SLC24A3: variants seen among roughly 807,000 people sequenced by gnomAD.
The protein encoded by SLC24A3 is solute carrier family 24 member 3.
In SLC24A3, 28 loss-of-function variants were observed where a neutral mutation model predicts 75.8. The ratio of observed to expected loss-of-function variants is 0.37; its 90% CI spans 0.27 to 0.51. The LOEUF (loss-of-function observed/expected upper bound fraction) is 0.51. Among genes scored for constraint, SLC24A3 ranks in the 20% least tolerant of loss-of-function variants. The pLI is 0.94. For missense variants in SLC24A3, 663 were observed against 847.8 expected (o/e 0.78, Z 2.71); for synonymous variants, 372 against 334.1 (o/e 1.11, Z -1.24).
At chr20:19,570,274 G>T (rs1367489643) in intron 3 of SLC24A3, among the ~76,000 whole-genome samples, 2 of 152,098 alleles carry the variant, frequency 1.3e-5, no homozygotes, top group Non-Finnish European at 2.9e-5. Flanking sequence ...AATAGCATCG[G>T]AGATGTCTGC....
At chr20:19,277,618 A>C (rs917816343) in intron 1 of SLC24A3, among the ~76,000 whole-genome samples, 1 of 152,222 alleles carries the variant, frequency 6.6e-6, no homozygotes, top group Admixed American at 6.5e-5. Context: ...TTATTACATC[A>C]GCCATCAGTG....
intron 2 of SLC24A3, among the ~76,000 whole-genome samples, chr20:19,300,521 C>T (rs1228995180): frequency 6.6e-6 from 1 of 152,196 alleles, no homozygotes; most frequent in East Asian, 1.9e-4. Context: ...GACGTAATGA[C>T]AAGAAAAGAA....
chr20:19,636,915 C>T (rs1414068041), intron 6 of SLC24A3, among the ~76,000 whole-genome samples: 1 of 152,172 alleles, frequency 6.6e-6, no homozygotes, highest in Non-Finnish European at 1.5e-5. Flanking sequence ...TCTCAGAGAG[C>T]TTCACAGGGA....
chr20:19,705,565 C>T (rs1399548688), intron 15 of SLC24A3, among the ~76,000 whole-genome samples: 2 of 152,188 alleles, frequency 1.3e-5, no homozygotes, highest in Non-Finnish European at 2.9e-5. Context: ...ATTTCCAAAA[C>T]GACACTCAAA....
At chr20:19,323,567 C>G (rs925999358) in intron 2 of SLC24A3, among the ~76,000 whole-genome samples, 1 of 152,144 alleles carries the variant, frequency 6.6e-6, no homozygotes, top group South Asian at 2.1e-4. Context: ...AGACAGCTGT[C>G]CCCCCAGCAC....
intron 12 of SLC24A3, among the ~76,000 whole-genome samples, chr20:19,687,830 C>T (rs529651634): frequency 2.6e-5 from 4 of 152,096 alleles, no homozygotes; most frequent in Admixed American, 1.3e-4. Flanking sequence ...AACTCGTGCT[C>T]GCCACCCTCT....
intron 6 of SLC24A3, among the ~76,000 whole-genome samples, chr20:19,633,604 C>G (rs1012381730): frequency 2.0e-5 from 3 of 147,524 alleles, no homozygotes; most frequent in Admixed American, 1.4e-4. Flanking sequence ...AGCCGAGATC[C>G]CGCCACTGCA....
intron 2 of SLC24A3, among the ~76,000 whole-genome samples, chr20:19,500,774 C>T (rs1393059799): frequency 2.0e-5 from 3 of 152,190 alleles, no homozygotes; most frequent in African/African-American, 7.2e-5. Context: ...TGAGGTGCAA[C>T]ACAGCTTCTT....
chr20:19,333,975 G>A (rs1215323672), intron 2 of SLC24A3, among the ~76,000 whole-genome samples: 1 of 151,946 alleles, frequency 6.6e-6, no homozygotes, highest in East Asian at 1.9e-4. Context: ...CTAAAAAAGG[G>A]TGGAATTGTA....
intron 2 of SLC24A3, among the ~76,000 whole-genome samples, chr20:19,394,590 CCGA>C (rs548480989): frequency 2.6e-5 from 4 of 152,048 alleles, no homozygotes; most frequent in Non-Finnish European, 5.9e-5. Flanking sequence ...GTACAAGTGG[CCGA>C]CAAGTGTATG....
rs578157923 is a variant in SLC24A3 at position 19,532,724 on chromosome 20, C to T, written c.348+17160C>T. On this transcript the variant is annotated intron_variant, in intron 3 of 16. Coordinates refer to ENST00000328041, the MANE Select transcript of SLC24A3 (RefSeq NM_020689.4). ...ACACTGTGCTCGGTGTTCCACACAC[C>T]GTCTTATTCCACCCTGGCAACCCTC... 1.2e-4 allele frequency among the ~76,000 whole-genome samples: 18 copies of T among 152,256 alleles called. 1 individual carries two copies. In the South Asian group the frequency reaches 3.7e-3, roughly 32 times the overall value.
intron 2 of SLC24A3, among the ~76,000 whole-genome samples, chr20:19,310,261 G>A (rs540167482): frequency 7.9e-5 from 12 of 152,288 alleles, no homozygotes; most frequent in Admixed American, 7.2e-4. Context: ...AGAGGCATCA[G>A]CAAGACTGAG....
At chr20:19,551,343 T>C (rs1413267715) in intron 3 of SLC24A3, among the ~76,000 whole-genome samples, 1 of 152,082 alleles carries the variant, frequency 6.6e-6, no homozygotes, top group Non-Finnish European at 1.5e-5. Context: ...ATGGTATGAT[T>C]ATGGAGGTGA....
intron 2 of SLC24A3, among the ~76,000 whole-genome samples, chr20:19,466,146 G>T (rs1335367279): frequency 6.6e-6 from 1 of 152,170 alleles, no homozygotes; most frequent in Non-Finnish European, 1.5e-5. Flanking sequence ...GAGAAGTTTG[G>T]CTTTTCTTGA....
chr20:19,638,283 C>A (rs1046227409), intron 6 of SLC24A3, among the ~76,000 whole-genome samples: 1 of 152,066 alleles, frequency 6.6e-6, no homozygotes, highest in Non-Finnish European at 1.5e-5. Flanking sequence ...TATTATGATT[C>A]TTTTATTTGG....
At chr20:19,448,570 G>GGTTTCCCTA (rs1392428911) in intron 2 of SLC24A3, among the ~76,000 whole-genome samples, 2 of 152,160 alleles carry the variant, frequency 1.3e-5, no homozygotes, top group Non-Finnish European at 2.9e-5. Flanking sequence ...AGTCTTGAGT[G>GGTTTCCCTA]GTTTCCCTAG....
At chr20:19,674,167 T>C (rs192685370) in intron 9 of SLC24A3, among the ~76,000 whole-genome samples, 1 of 152,344 alleles carries the variant, frequency 6.6e-6, no homozygotes, top group Admixed American at 6.5e-5. Context: ...AGGTAACTGA[T>C]GAAGAGTTAG....
intron 2 of SLC24A3, among the ~76,000 whole-genome samples, chr20:19,293,148 A>G (rs1383855953): frequency 6.6e-6 from 1 of 152,156 alleles, no homozygotes; most frequent in African/African-American, 2.4e-5. Flanking sequence ...ATCTTTCCAC[A>G]TTCCAGCAAC....
intron 2 of SLC24A3, among the ~76,000 whole-genome samples, chr20:19,301,568 G>C (rs1984198398): frequency 6.6e-6 from 1 of 152,116 alleles, no homozygotes; most frequent in Non-Finnish European, 1.5e-5. Flanking sequence ...TATTAACATT[G>C]TCTTCCTTGT....
Sources: gnomAD v4.1 joint callset for allele counts (sites outside exome capture counted in the v4.1 genomes callset) on GRCh38, gnomAD v4.1.1 for gene constraint, MANE v1.5 for transcripts, NCBI Gene and HGNC (gene_info 2026-07-23, HGNC 2026-07-21) for gene names.